The following RASSF6 variants were observed in gnomAD, a reference collection of about 807,000 sequenced individuals.
The protein encoded by RASSF6 is Ras association domain family member 6.
Under a neutral mutation model 44.0 loss-of-function variants are expected in RASSF6, and 52 were observed. The ratio of observed to expected loss-of-function variants is 1.18; its 90% CI spans 0.95 to 1.49. The LOEUF (loss-of-function observed/expected upper bound fraction) is 1.49, where lower values mean the gene tolerates loss of function less well. Ranked by LOEUF, RASSF6 falls within the 40% of genes most tolerant of loss-of-function variation. RASSF6 has a pLI of 0.00. For missense variants in RASSF6, 464 were observed against 393.3 expected (o/e 1.18, Z -1.52); for synonymous variants, 162 against 124.6 (o/e 1.30, Z -2.00).
At chr4:73,583,169 T>C (rs1173735591) in intron 6 of RASSF6, among the ~76,000 whole-genome samples, 1 of 152,128 alleles carries the variant, frequency 6.6e-6, no homozygotes, top group African/African-American at 2.4e-5. Context: ...GCCCACTAAA[T>C]GCCCACGAAC....
In RASSF6 at chr4:73,598,651, A is replaced by T; in HGVS notation, c.133T>A (p.Leu45Ile). 1 of 1,529,902 alleles carries T rather than the reference A, an allele frequency of 6.5e-7. No individual in the cohort carries two copies. The highest frequency in any genetic ancestry group is 1.2e-5 in the South Asian group (1 of 83,722). The allele number at this position is 1,529,902 out of a possible 1,614,324, so 94.8% of individuals were successfully genotyped here. A position where few individuals can be genotyped will look rare whatever the true frequency, so the allele number is the denominator to read the frequency against. ...FYENQKNLHI[L>I]YGETEDGKLI... The stretch of plus-strand genomic sequence containing the variant: ...TTCAGTGGGCTTACCTCTCCATATA[A>T]AATATGCAGATTTTTCTGGTTCTCA... Residue 45 changes from leucine to isoleucine, a missense_variant, in exon 3 of 11, where the codon TTA becomes ATA. Leu to Ile is a conservative substitution (Grantham distance 5, BLOSUM62 2). Coordinates refer to ENST00000307439, the MANE Select transcript of RASSF6 (RefSeq NM_177532.5).
At chr4:73,615,592 T>G (rs1158140233) in intron 1 of RASSF6, among the ~76,000 whole-genome samples, 2 of 152,214 alleles carry the variant, frequency 1.3e-5, no homozygotes, top group South Asian at 4.1e-4. Flanking sequence ...GATTATTGAC[T>G]TAGATTGTGT....
intron 1 of RASSF6, chr4:73,615,943 C>A (rs369127824): frequency 3.4e-5 from 52 of 1,548,638 alleles, no homozygotes; most frequent in South Asian, 7.1e-5. Context: ...AATTCTAGTA[C>A]AAATTAAATC....
At chr4:73,579,149 T>A (rs542804277) in intron 8 of RASSF6, among the ~76,000 whole-genome samples, 1 of 152,300 alleles carries the variant, frequency 6.6e-6, no homozygotes, top group African/African-American at 2.4e-5. Context: ...TTGGCATAAA[T>A]CTACTCATTC....
rs115519516 is a variant in RASSF6 at position 73,577,753 on chromosome 4, C to T, written c.722-1022G>A. 4.5e-3 allele frequency among the ~76,000 whole-genome samples: 686 copies of T among 152,224 alleles called. 5 individuals carry two copies. The highest frequency in any genetic ancestry group is 0.016 in the African/African-American group (660 of 41,544). ...ACCTTCAGGTCCAATGTTAACTTGG[C>T]TTAGCATCCTCTTGCTTCATGATTC... On this transcript the variant is annotated intron_variant, in intron 8 of 10. Transcript: ENST00000307439.
intron 5 of RASSF6, among the ~76,000 whole-genome samples, chr4:73,586,745 T>C (rs1724123816): frequency 1.3e-5 from 2 of 151,942 alleles, no homozygotes; most frequent in Non-Finnish European, 2.9e-5. Flanking sequence ...GGGATTTCCT[T>C]GGGTTTCATA....
rs149590215 is a variant in RASSF6, at chr4:73,611,663, A to C, written c.65+68T>G. On this transcript the variant is annotated intron_variant, in intron 2 of 10. Coordinates refer to ENST00000307439, the MANE Select transcript of RASSF6 (RefSeq NM_177532.5). ...TGTTGACCATACATCATGCTTAGAA[A>C]ACTTTGACGGTATATTCCACAAATG... The C allele has an allele frequency of 2.7e-4, 255 of 937,908 alleles. 2 individuals carry two copies. In the East Asian group the frequency reaches 6.3e-3, roughly 23 times the overall value. 58.1% of individuals were successfully genotyped at this position (937,908 alleles called of 1,614,324 possible).
At chr4:73,607,811 C>G (rs1364460571) in intron 2 of RASSF6, among the ~76,000 whole-genome samples, 1 of 151,956 alleles carries the variant, frequency 6.6e-6, no homozygotes, top group Admixed American at 6.5e-5. Context: ...AGTAGGACAG[C>G]TACCTCCTCT....
chr4:73,581,730 T>C, intron 8 of RASSF6, 87 bp downstream of exon 8: 1 of 814,018 alleles, frequency 1.2e-6, no homozygotes, highest in Non-Finnish European at 2.1e-6. Context: ...CTCCACAGAA[T>C]GAGGCAAACT....
chr4:73,572,454 T>C lies in RASSF6; in HGVS notation c.*3781A>G, dbSNP rs1018441788. 6.6e-6 allele frequency: 1 copy of C among 152,190 alleles called. No homozygotes were observed. The highest frequency in any genetic ancestry group is 1.5e-5 in the Non-Finnish European group (1 of 68,026). The allele number at this position is 152,190 out of a possible 1,614,324, so 9.4% of individuals were successfully genotyped here. On this transcript the variant is annotated 3_prime_UTR_variant, in exon 11 of 11. Coordinates refer to ENST00000307439, the MANE Select transcript of RASSF6 (RefSeq NM_177532.5). ...GAGGTTATGGATATGTTAATTAGCT[T>C]GATTTAATAATTCCATAATGTATAC...
At position 73,586,812 on chromosome 4, in the gene RASSF6, T is replaced by C. The variant is rs576401100; in HGVS notation, c.382+1028A>G. On this transcript the variant is annotated intron_variant, in intron 5 of 10. Coordinates refer to ENST00000307439, the MANE Select transcript of RASSF6 (RefSeq NM_177532.5). ...TATTTAACAAGATGTAAAGATCCCATGGCATAAAGAGAAAAGGGAACCCTG... is the reference window on the plus strand; with the variant it reads ...TATTTAACAAGATGTAAAGATCCCACGGCATAAAGAGAAAAGGGAACCCTG... Among the ~76,000 whole-genome samples, 47 of 151,086 alleles carry C rather than the reference T, an allele frequency of 3.1e-4. 1 individual carries two copies. Among genetic ancestry groups the C allele is most frequent in the East Asian group, 2.9e-3 (15 of 5,138 alleles).
rs763064851 is a variant in RASSF6, at chr4:73,582,308, A to G, written c.568-18T>C. On this transcript the variant is annotated intron_variant, in intron 6 of 10. Coordinates refer to ENST00000307439, the MANE Select transcript of RASSF6 (RefSeq NM_177532.5). Reference sequence around the variant, plus strand: ...ATTGATGTCTAGAAAAAGAATTGTCACATAAGTCTTTAAAATTATATTATA... The same window carrying G: ...ATTGATGTCTAGAAAAAGAATTGTCGCATAAGTCTTTAAAATTATATTATA... 2.3e-5 allele frequency: 30 copies of G among 1,310,966 alleles called. No individual in the cohort carries two copies. Among genetic ancestry groups the G allele is most frequent in the Middle Eastern group, 2.0e-4 (1 of 4,892 alleles). 81.2% of individuals were successfully genotyped at this position (1,310,966 alleles called of 1,614,324 possible). A position where few individuals can be genotyped will look rare whatever the true frequency, so the allele number is the denominator to read the frequency against.
intron 2 of RASSF6, among the ~76,000 whole-genome samples, chr4:73,600,363 CT>C (rs1725200620): frequency 6.6e-6 from 1 of 151,474 alleles, no homozygotes; most frequent in Admixed American, 6.6e-5. Context: ...GGAAGAAAAG[CT>C]TTCTCATATA....
chr4:73,592,541 T>C (rs187026669), intron 4 of RASSF6, among the ~76,000 whole-genome samples: 103 of 152,328 alleles, frequency 6.8e-4, no homozygotes, highest in Non-Finnish European at 1.0e-3. Flanking sequence ...ATTTATTAAT[T>C]TTTCTGAAAC....
At chr4:73,589,687 A>T (rs1724376554) in intron 4 of RASSF6, among the ~76,000 whole-genome samples, 1 of 152,162 alleles carries the variant, frequency 6.6e-6, no homozygotes, top group Admixed American at 6.6e-5. Flanking sequence ...ACTAAGCTTC[A>T]GGGCAGTTAT....
chr4:73,576,379 G>C, intron 10 of RASSF6, 31 bp downstream of exon 10: 1 of 1,457,422 alleles, frequency 6.9e-7, no homozygotes, highest in Non-Finnish European at 9.5e-7. Context: ...ATTAAAGAAC[G>C]GAGTATCCAA....
At chr4:73,581,512 G>C (rs1292070693) in intron 8 of RASSF6, among the ~76,000 whole-genome samples, 1 of 152,162 alleles carries the variant, frequency 6.6e-6, no homozygotes, top group Admixed American at 6.5e-5. Context: ...AAGTTACAGA[G>C]GTGAGCAAAG....
chr4:73,612,525 G>A (rs527395801), intron 1 of RASSF6, among the ~76,000 whole-genome samples: 3 of 146,342 alleles, frequency 2.0e-5, no homozygotes, highest in African/African-American at 7.6e-5. Flanking sequence ...ATAAGGGGGT[G>A]GATTTCCTCC....
intron 8 of RASSF6, among the ~76,000 whole-genome samples, chr4:73,579,100 T>G (rs1480701019): frequency 2.0e-5 from 3 of 152,190 alleles, no homozygotes; most frequent in Non-Finnish European, 4.4e-5. Context: ...CATCTTGCAT[T>G]TCTCACTTAA....
Sources: allele counts gnomAD v4.1 joint callset (sites outside exome capture counted in the v4.1 genomes callset), GRCh38; gene constraint gnomAD v4.1.1; transcripts MANE v1.5; gene names NCBI Gene and HGNC (gene_info 2026-07-23, HGNC 2026-07-21).